KLHL14: variants seen among roughly 807,000 people sequenced by gnomAD.
KLHL14 encodes kelch like family member 14, also known as kelch-like protein 14.
Under a neutral mutation model 64.3 loss-of-function variants are expected in KLHL14, and 22 were observed. The observed-to-expected ratio is 0.34, with a 90% CI of 0.24 to 0.49. The LOEUF (loss-of-function observed/expected upper bound fraction) is 0.49, where lower values mean the gene tolerates loss of function less well. Ranked by LOEUF, KLHL14 falls within the 20% of genes least tolerant of loss-of-function variation. The probability of loss-of-function intolerance (pLI) is 0.99; values close to 1 mark genes in which losing one functional copy is unlikely to be tolerated. For missense variants in KLHL14, 661 were observed against 789.0 expected (o/e 0.84, Z 1.94); for synonymous variants, 322 against 333.4 (o/e 0.97, Z 0.37).
chr18:32,738,757 ATGT>A (rs2050179654), intron 3 of KLHL14: 2 of 152,040 alleles, frequency 1.3e-5, no homozygotes. Flanking sequence ...GACTATTTGA[ATGT>A]TGTTTTCTTC....
intron 3 of KLHL14, among the ~76,000 whole-genome samples, chr18:32,714,629 G>A (rs959758950): frequency 6.6e-5 from 10 of 152,184 alleles, no homozygotes; most frequent in African/African-American, 2.2e-4. Flanking sequence ...TTGGAGAAAT[G>A]TTGAAGGAAG....
intron 2 of KLHL14, among the ~76,000 whole-genome samples, chr18:32,756,714 G>A (rs2050283886): frequency 6.6e-6 from 1 of 152,124 alleles, no homozygotes; most frequent in Admixed American, 6.6e-5. Context: ...TTTCAGTTTT[G>A]CATTGCATGT....
intron 3 of KLHL14, among the ~76,000 whole-genome samples, chr18:32,730,269 C>G (rs1019315271): frequency 6.6e-6 from 1 of 152,174 alleles, no homozygotes; most frequent in African/African-American, 2.4e-5. Flanking sequence ...TGCTGCAAAG[C>G]AACAAATGAG....
Position 32,769,890 on chromosome 18 carries a change from C to T in KLHL14, c.702G>A (p.Ser234=), listed in dbSNP as rs369667242. ...CGGACATCTGGAAGAGCGCCAGCTC[C>T]GACTCCACGGGGGGCGGCAGCGAGT... The part of the protein sequence containing the change: ...LLDSLPPPVE[S]ELALFQMSVL... The change falls in exon 2 of 9, where the codon TCG becomes TCA. Residue 234 remains serine (S), a synonymous_variant. Coordinates refer to ENST00000359358, the MANE Select transcript of KLHL14 (RefSeq NM_020805.3). 1.2e-6 allele frequency: 2 copies of T among 1,614,042 alleles called. No individual in the cohort carries two copies. The highest frequency in any genetic ancestry group is 1.7e-6 in the Non-Finnish European group (2 of 1,180,036).
intron 2 of KLHL14, chr18:32,745,172 G>T (rs1568727): frequency 6.6e-6 from 1 of 152,250 alleles, no homozygotes; most frequent in Admixed American, 6.5e-5. Context: ...TTGCATTGTT[G>T]TATTTACATC....
intron 3 of KLHL14, among the ~76,000 whole-genome samples, chr18:32,699,956 A>C (rs898274666): frequency 6.6e-6 from 1 of 151,522 alleles, no homozygotes; most frequent in Non-Finnish European, 1.5e-5. Flanking sequence ...CAGTAAGGAC[A>C]TATTTCAACC....
intron 3 of KLHL14, among the ~76,000 whole-genome samples, chr18:32,725,244 G>A (rs1361352142): frequency 6.6e-6 from 1 of 151,948 alleles, no homozygotes; most frequent in African/African-American, 2.4e-5. Context: ...TGCCTAGGCT[G>A]GTCTCAAACT....
At chr18:32,759,239 A>G (rs1468324714) in intron 2 of KLHL14, among the ~76,000 whole-genome samples, 3 of 152,214 alleles carry the variant, frequency 2.0e-5, no homozygotes, top group African/African-American at 4.8e-5. Flanking sequence ...TCAAAGGTGG[A>G]TAAAATGAAC....
Position 32,695,558 on chromosome 18 carries a change from A to G in KLHL14, c.1070-6T>C. ...GGCACTGTTGTATGGCATAACTGAAATTAAGAAAAAAAAAAAAGACATATG... is the reference window on the plus strand; with the variant it reads ...GGCACTGTTGTATGGCATAACTGAAGTTAAGAAAAAAAAAAAAGACATATG... On this transcript the variant is annotated splice_polypyrimidine_tract_variant and splice_region_variant and intron_variant, in intron 3 of 8. Transcript: ENST00000359358. The G allele has an allele frequency of 6.4e-7, 1 of 1,559,442 alleles. No homozygotes were observed. Among genetic ancestry groups the G allele is most frequent in the African/African-American group, 1.4e-5 (1 of 72,828 alleles).
chr18:32,771,696 T>C (rs2050386696), intron 1 of KLHL14, among the ~76,000 whole-genome samples: 1 of 151,772 alleles, frequency 6.6e-6, no homozygotes, highest in African/African-American at 2.4e-5. Flanking sequence ...GTGTGCACGG[T>C]TTCCCCTCCC....
At chr18:32,760,252 A>G (rs2050306685) in intron 2 of KLHL14, among the ~76,000 whole-genome samples, 1 of 152,144 alleles carries the variant, frequency 6.6e-6, no homozygotes, top group African/African-American at 2.4e-5. Context: ...ACTTTATCTG[A>G]TAAAAAAACA....
At chr18:32,689,354 G>A (rs1377569465) in intron 4 of KLHL14, among the ~76,000 whole-genome samples, 1 of 152,148 alleles carries the variant, frequency 6.6e-6, no homozygotes. Context: ...CATAGGAAAA[G>A]AATGCTCAGA....
chr18:32,731,100 C>T (rs2050135089), intron 3 of KLHL14, among the ~76,000 whole-genome samples: 1 of 152,122 alleles, frequency 6.6e-6, no homozygotes, highest in Admixed American at 6.5e-5. Context: ...ATCATACACT[C>T]CCCAGCAATG....
At chr18:32,741,012 T>G (rs1212249770) in intron 3 of KLHL14, 1 of 152,180 alleles carries the variant, frequency 6.6e-6, no homozygotes, top group Non-Finnish European at 1.5e-5. Flanking sequence ...CATGGTAAAA[T>G]ATATAACTGT....
chr18:32,679,615 C>T (rs932831304), intron 7 of KLHL14, among the ~76,000 whole-genome samples: 13 of 151,996 alleles, frequency 8.6e-5, no homozygotes, highest in Non-Finnish European at 1.5e-4. Context: ...AAACATGTCT[C>T]TAAAAATGCT....
chr18:32,699,597 C>A (rs906844359), intron 3 of KLHL14, among the ~76,000 whole-genome samples: 1 of 151,966 alleles, frequency 6.6e-6, no homozygotes, highest in Non-Finnish European at 1.5e-5. Flanking sequence ...ATATCTGGAC[C>A]CCAACTCACG....
intron 3 of KLHL14, among the ~76,000 whole-genome samples, chr18:32,721,071 G>A (rs1425601529): frequency 3.3e-5 from 5 of 152,226 alleles, no homozygotes; most frequent in Non-Finnish European, 7.3e-5. Flanking sequence ...TGCCAACAAA[G>A]TGTGTTTTCT....
chr18:32,770,022 G>A lies in KLHL14; in HGVS notation c.570C>T (p.Cys190=), dbSNP rs533112497. ...QISVQNYKQV[C]KIAALHGLEE... The stretch of plus-strand genomic sequence containing the variant: ...CCAGGCCGTGCAGCGCGGCGATCTT[G>A]CACACCTGCTTGTAGTTCTGCACCG... The change falls in exon 2 of 9, where the codon TGC becomes TGT. Residue 190 remains cysteine (C), a synonymous_variant. Transcript: ENST00000359358. The surrounding 1 kb of genome is among the most constrained non-coding windows in gnomAD (Gnocchi z 6.7). 6.2e-7 allele frequency: 1 copy of A among 1,614,180 alleles called. No individual in the cohort carries two copies. Among genetic ancestry groups the A allele is most frequent in the African/African-American group, 1.3e-5 (1 of 75,048 alleles).
intron 2 of KLHL14, among the ~76,000 whole-genome samples, chr18:32,751,232 C>A (rs1202371985): frequency 4.6e-5 from 7 of 151,786 alleles, no homozygotes; most frequent in Non-Finnish European, 8.8e-5. Flanking sequence ...GAGCTGCTAC[C>A]CTTCTCTTAA....
Sources: allele counts gnomAD v4.1 joint callset (sites outside exome capture counted in the v4.1 genomes callset), GRCh38; gene constraint gnomAD v4.1.1; non-coding constraint Gnocchi (gnomAD v3.1); transcripts MANE v1.5; gene names NCBI Gene and HGNC (gene_info 2026-07-23, HGNC 2026-07-21).